The following LEO1 variants were observed in gnomAD, a reference collection of about 807,000 sequenced individuals.
The protein encoded by LEO1 is LEO1 component of Paf1/RNA polymerase II complex.
Under a neutral mutation model 80.4 loss-of-function variants are expected in LEO1, and 34 were observed. The ratio of observed to expected loss-of-function variants is 0.42; its 90% CI spans 0.32 to 0.56. The LOEUF (loss-of-function observed/expected upper bound fraction) is 0.56, where lower values mean the gene tolerates loss of function less well. Among genes scored for constraint, LEO1 ranks in the 20% least tolerant of loss-of-function variants. The pLI is 0.10. For missense variants in LEO1, 631 were observed against 814.2 expected, an observed-to-expected ratio of 0.77 and a Z score of 2.74; for synonymous variants, 262 against 274.9, an observed-to-expected ratio of 0.95 and a Z score of 0.46.
intron 6 of LEO1, 119 bp from the exon 7 acceptor site, chr15:51,954,694 G>A (rs1771718126): frequency 1.5e-6 from 1 of 685,648 alleles, no homozygotes; most frequent in Non-Finnish European, 2.6e-6. Context: ...ATGTATGTGT[G>A]GCAGGAGAAT....
At chr15:51,967,309 C>T (rs1470679483) in intron 1 of LEO1, among the ~76,000 whole-genome samples, 1 of 152,254 alleles carries the variant, frequency 6.6e-6, no homozygotes, top group Admixed American at 6.5e-5. Context: ...CCCATCTCTA[C>T]TAAAAATACA....
At position 51,965,920 on chromosome 15, in the gene LEO1, C is replaced by T; in HGVS notation, c.643G>A (p.Glu215Lys). 6.2e-7 allele frequency: 1 copy of T among 1,614,148 alleles called. No homozygotes were observed. Reference sequence around the variant, plus strand: ...TCATTATCAGAAGCTACCGGCCGTTCATCATCAGAATTAGCCTTTTCCTCC... The same window carrying T: ...TCATTATCAGAAGCTACCGGCCGTTTATCATCAGAATTAGCCTTTTCCTCC... Reference protein sequence around the residue: ...SEEEKANSDDERPVASDNDDE... With the variant: ...SEEEKANSDDKRPVASDNDDE... Residue 215 changes from glutamate (E) to lysine (K), a missense_variant, in exon 2 of 12, where the codon GAA (glutamate) becomes AAA (lysine). By Grantham distance (56) the Glu-to-Lys change is moderately conservative (BLOSUM62 1). Around this residue, in one of 4 missense-constraint regions of LEO1, gnomAD observed 394 missense variants for 395.6 expected, o/e 1.00. Coordinates refer to ENST00000299601, the MANE Select transcript of LEO1 (RefSeq NM_138792.4).
At chr15:51,957,685 C>T (rs141759153) in intron 6 of LEO1, among the ~76,000 whole-genome samples, 429 of 152,180 alleles carry the variant, frequency 2.8e-3, no homozygotes, top group South Asian at 6.2e-3. Context: ...TATAAAAATT[C>T]AGTGCCTAAA....
At chr15:51,959,833 A>G (rs555217565) in intron 5 of LEO1, 66 bp downstream of exon 5, 2 of 1,383,200 alleles carry the variant, frequency 1.4e-6, no homozygotes, top group African/African-American at 3.0e-5. Context: ...AATGCGAAAT[A>G]AGAAAAATAA....
intron 3 of LEO1, 38 bp downstream of exon 3, chr15:51,962,351 G>A: frequency 3.1e-6 from 4 of 1,301,028 alleles, no homozygotes; most frequent in Non-Finnish European, 4.3e-6. Flanking sequence ...ACAGAAAGAG[G>A]TATGGAAATA....
intron 1 of LEO1, among the ~76,000 whole-genome samples, chr15:51,971,104 A>G (rs1013377142): frequency 3.3e-5 from 5 of 152,180 alleles, no homozygotes; most frequent in African/African-American, 1.2e-4. Flanking sequence ...CTAACATCAC[A>G]GACTCCGGAA....
intron 1 of LEO1, among the ~76,000 whole-genome samples, chr15:51,966,746 A>C (rs2057081186): frequency 6.6e-6 from 1 of 152,040 alleles, no homozygotes; most frequent in South Asian, 2.1e-4. Context: ...CCCTGTCTCT[A>C]CTAAAAATAC....
chr15:51,951,111 C>T (rs2056945233), intron 9 of LEO1, among the ~76,000 whole-genome samples: 1 of 152,186 alleles, frequency 6.6e-6, no homozygotes, highest in African/African-American at 2.4e-5. Flanking sequence ...GTAAGAAAGG[C>T]CCTGAGGTAA....
At chr15:51,959,774 T>C (rs2057016073) in intron 5 of LEO1, 125 bp downstream of exon 5, 3 of 869,434 alleles carry the variant, frequency 3.5e-6, no homozygotes, top group South Asian at 2.0e-5. Flanking sequence ...CTTGACTAAT[T>C]TTTTCAGAGA....
intron 2 of LEO1, among the ~76,000 whole-genome samples, chr15:51,963,552 A>G (rs2057048808): frequency 6.6e-6 from 1 of 152,158 alleles, no homozygotes; most frequent in South Asian, 2.1e-4. Context: ...TTGGTCTTCT[A>G]GTATTTGGGA....
Position 51,958,908 on chromosome 15 carries a change from ACAC to A in LEO1, c.1161-85_1161-83del, listed in dbSNP as rs373169014. 1.7e-3 allele frequency: 1,077 copies of A among 631,624 alleles called. 12 individuals carry two copies. In the African/African-American group the frequency reaches 0.019, roughly 11 times the overall value. 39.1% of individuals were successfully genotyped at this position (631,624 alleles called of 1,614,324 possible). A position where few individuals can be genotyped will look rare whatever the true frequency, so the allele number is the denominator to read the frequency against. ...TATGTAATAACATCTCTATTAATAA[ACAC>A]CATTATATCAAAAAATCATAATATA... On this transcript the variant is annotated intron_variant, in intron 5 of 11. Coordinates refer to ENST00000299601, the MANE Select transcript of LEO1 (RefSeq NM_138792.4).
At chr15:51,971,643 G>A (rs760939029) in intron 1 of LEO1, 45 bp downstream of exon 1, 2 of 1,599,872 alleles carry the variant, frequency 1.3e-6, no homozygotes, top group African/African-American at 1.3e-5. Context: ...CTCCCACAGC[G>A]GAAGGCCTGC....
intron 9 of LEO1, among the ~76,000 whole-genome samples, chr15:51,950,852 T>C (rs922479737): frequency 9.9e-5 from 15 of 152,162 alleles, no homozygotes; most frequent in African/African-American, 3.6e-4. Context: ...GGGGAGATGC[T>C]CAAAGTGGTT....
In LEO1 at chr15:51,966,035, C is replaced by A; in HGVS notation, c.528G>T (p.Leu176=). 1 of 1,614,050 alleles carries A rather than the reference C, an allele frequency of 6.2e-7. No homozygotes were observed. Among genetic ancestry groups the A allele is most frequent in the Non-Finnish European group, 8.5e-7 (1 of 1,180,018 alleles). Reference sequence around the variant, plus strand: ...TTTTCTCATCATCGTCAGAATTCTGCAGCTTATCTTCATCAGATCCTTGTG... The same window carrying A: ...TTTTCTCATCATCGTCAGAATTCTGAAGCTTATCTTCATCAGATCCTTGTG... ...ERAQGSDEDK[L]QNSDDDEKMQ... Residue 176 remains leucine, a synonymous_variant, in exon 2 of 12, where the codon CTG becomes CTT. Coordinates refer to ENST00000299601, the MANE Select transcript of LEO1 (RefSeq NM_138792.4).
At chr15:51,938,748 T>G in intron 11 of LEO1, among the ~76,000 whole-genome samples, 1 of 152,220 alleles carries the variant, frequency 6.6e-6, no homozygotes, top group East Asian at 1.9e-4. Flanking sequence ...TAAACAAGTT[T>G]CCTCTGTTTA....
At chr15:51,969,364 G>A (rs747665212) in intron 1 of LEO1, among the ~76,000 whole-genome samples, 16 of 152,078 alleles carry the variant, frequency 1.1e-4, no homozygotes, top group African/African-American at 3.9e-4. Context: ...GCTGGGCGCA[G>A]TGGCTCACAC....
intron 4 of LEO1, 45 bp downstream of exon 4, chr15:51,960,594 C>G (rs765957427): frequency 2.9e-5 from 32 of 1,092,616 alleles, no homozygotes; most frequent in Non-Finnish European, 3.5e-5. Flanking sequence ...ACCTTTGAAA[C>G]TTTATGCCTG....
At position 51,968,688 on chromosome 15, in the gene LEO1, G is replaced by GCC. The variant is rs1566889310; in HGVS notation, c.59-2185_59-2184insGG. Among the ~76,000 whole-genome samples, 8 of 152,182 alleles carry GCC rather than the reference G, an allele frequency of 5.3e-5. No individual in the cohort carries two copies. In the South Asian group the frequency reaches 1.7e-3, roughly 32 times the overall value. Reference sequence around the variant, plus strand: ...TACTAAAAATACAAAAATTAGCCAGGCGTGGTGGTGCATGCCTGTAGTCCC... The same window carrying GCC: ...TACTAAAAATACAAAAATTAGCCAGGCCCGTGGTGGTGCATGCCTGTAGTCCC... On this transcript the variant is annotated intron_variant, in intron 1 of 11. Transcript: ENST00000299601.
chr15:51,965,737 T>A lies in LEO1; in HGVS notation c.814+12A>T. On this transcript the variant is annotated intron_variant, in intron 2 of 11. Transcript: ENST00000299601. ...TCTTTCTGAGCCATTCTGGTTCTCA[T>A]AAATGTATTACCTGATTTATGATCC... 6.3e-7 allele frequency: 1 copy of A among 1,591,738 alleles called. No homozygotes were observed.
Sources: gnomAD v4.1 joint callset for allele counts (sites outside exome capture counted in the v4.1 genomes callset) on GRCh38, gnomAD v4.1.1 for gene constraint, gnomAD v4.1.1 regional missense constraint, MANE v1.5 for transcripts, NCBI Gene and HGNC (gene_info 2026-07-23, HGNC 2026-07-21) for gene names.